SEM1: variants seen among roughly 807,000 people sequenced by gnomAD.
SEM1 encodes SEM1 26S proteasome subunit.
In SEM1, 3 loss-of-function variants were observed where a neutral mutation model predicts 12.7. The observed-to-expected ratio is 0.24, with a 90% CI of 0.11 to 0.61. The LOEUF is 0.61. Ranked by LOEUF, SEM1 falls within the 20% of genes least tolerant of loss-of-function variation. SEM1 has a pLI of 0.88. For missense variants in SEM1, 59 were observed against 81.3 expected (o/e 0.73, Z 1.06); for synonymous variants, 30 against 27.8 (o/e 1.08, Z -0.25).
intron 2 of SEM1, among the ~76,000 whole-genome samples, chr7:96,560,372 T>A (rs993369838): frequency 9.9e-5 from 15 of 152,152 alleles, no homozygotes; most frequent in African/African-American, 3.6e-4. Context: ...TTTTTAAAAA[T>A]AAATATGCCT....
At chr7:96,642,367 T>G (rs567656961) in intron 2 of SEM1, among the ~76,000 whole-genome samples, 1 of 152,220 alleles carries the variant, frequency 6.6e-6, no homozygotes, top group South Asian at 2.1e-4. Flanking sequence ...AATATCAGTC[T>G]GCATATGGGA....
intron 2 of SEM1, among the ~76,000 whole-genome samples, chr7:96,516,267 C>T (rs953464124): frequency 4.6e-5 from 7 of 152,134 alleles, no homozygotes; most frequent in African/African-American, 1.7e-4. Context: ...AATTTCTTCT[C>T]TGCAAGACAG....
rs558225766 is a variant in SEM1, at chr7:96,706,796, G to C, written c.76+2892C>G. 9.2e-5 allele frequency among the ~76,000 whole-genome samples: 14 copies of C among 152,182 alleles called. No homozygotes were observed. The South Asian group carries it at 2.3e-3, about 25-fold the overall frequency. On this transcript the variant is annotated intron_variant, in intron 1 of 2. Transcript: ENST00000248566. ...CTATACTCCAAGTTACCCGAGAGTGGATAAAATCCACTTTCTGGAGCACTG... is the reference window on the plus strand; with the variant it reads ...CTATACTCCAAGTTACCCGAGAGTGCATAAAATCCACTTTCTGGAGCACTG...
At chr7:96,530,748 T>G (rs1001878196) in intron 2 of SEM1, among the ~76,000 whole-genome samples, 1 of 152,062 alleles carries the variant, frequency 6.6e-6, no homozygotes, top group African/African-American at 2.4e-5. Flanking sequence ...TCCATTATAG[T>G]GCCTGTAAGT....
intron 1 of SEM1, among the ~76,000 whole-genome samples, chr7:96,699,719 T>G (rs1296366178): frequency 6.6e-6 from 1 of 152,232 alleles, no homozygotes. Flanking sequence ...CTGTTTCTTT[T>G]GAACTGCTGT....
chr7:96,570,712 T>A (rs1805995529), intron 2 of SEM1, among the ~76,000 whole-genome samples: 1 of 152,210 alleles, frequency 6.6e-6, no homozygotes, highest in South Asian at 2.1e-4. Flanking sequence ...TTTGGGTATA[T>A]ACCCAGTAAT....
intron 2 of SEM1, among the ~76,000 whole-genome samples, chr7:96,540,564 C>A (rs1208206148): frequency 6.6e-6 from 1 of 151,692 alleles, no homozygotes; most frequent in East Asian, 1.9e-4. Context: ...ATAAACTTCA[C>A]CTATAAAGAT....
intron 2 of SEM1, among the ~76,000 whole-genome samples, chr7:96,600,536 T>C (rs994173874): frequency 6.6e-6 from 1 of 152,156 alleles, no homozygotes; most frequent in Non-Finnish European, 1.5e-5. Context: ...CTCAAACAGA[T>C]GAGGAATCTA....
chr7:96,491,336 T>C (rs527416052), intron 1 of SEM1, among the ~76,000 whole-genome samples: 1 of 152,340 alleles, frequency 6.6e-6, no homozygotes, highest in South Asian at 2.1e-4. Context: ...ATTTCCAGTT[T>C]TCTTTCTTAA....
At chr7:96,650,682 G>GCA (rs112166466) in intron 2 of SEM1, among the ~76,000 whole-genome samples, 23,792 of 151,498 alleles carry the variant, frequency 0.16, 3,413 homozygotes, top group African/African-American at 0.39. Context: ...ACACAGATGC[G>GCA]CGCACACACA....
intron 2 of SEM1, chr7:96,647,383 G>A (rs1016731608): frequency 6.6e-6 from 1 of 152,180 alleles, no homozygotes; most frequent in Non-Finnish European, 1.5e-5. Flanking sequence ...ATCATATTAT[G>A]AGACAAGTAC....
intron 2 of SEM1, among the ~76,000 whole-genome samples, chr7:96,663,996 A>G (rs1241872234): frequency 6.6e-6 from 1 of 152,232 alleles, no homozygotes; most frequent in Non-Finnish European, 1.5e-5. Flanking sequence ...TTGTGAAGTT[A>G]TGGAATAAAA....
chr7:96,650,571 G>T, intron 2 of SEM1: 2 of 721,130 alleles, frequency 2.8e-6, no homozygotes, highest in African/African-American at 1.7e-5. Context: ...ACACAGATTT[G>T]TAAATAACAA....
intron 2 of SEM1, among the ~76,000 whole-genome samples, chr7:96,613,787 G>T (rs1807618232): frequency 6.6e-6 from 1 of 152,160 alleles, no homozygotes. Context: ...TATAAGTGAT[G>T]TCATACACTA....
At chr7:96,707,000 C>T (rs764969517) in intron 1 of SEM1, among the ~76,000 whole-genome samples, 3 of 152,214 alleles carry the variant, frequency 2.0e-5, no homozygotes, top group Non-Finnish European at 4.4e-5. Flanking sequence ...GGCATTAATA[C>T]TTGAAGTGAA....
chr7:96,528,804 A>G (rs2115698432), intron 2 of SEM1, among the ~76,000 whole-genome samples: 1 of 152,250 alleles, frequency 6.6e-6, no homozygotes, highest in African/African-American at 2.4e-5. Context: ...AAAGTGCTAG[A>G]GTATGGAAGA....
upstream of SEM1, among the ~76,000 whole-genome samples, chr7:96,497,644 A>G (rs931343458): frequency 6.6e-6 from 1 of 152,156 alleles, no homozygotes; most frequent in African/African-American, 2.4e-5. Flanking sequence ...AGTAACGTGG[A>G]CTGGATTTAT....
chr7:96,662,373 C>A (rs1038595794), intron 2 of SEM1, among the ~76,000 whole-genome samples: 1 of 152,104 alleles, frequency 6.6e-6, no homozygotes, highest in Non-Finnish European at 1.5e-5. Context: ...TTTGTAGGGA[C>A]ATGGATGAAG....
rs1209264910 is a variant in SEM1 at position 96,588,389 on chromosome 7, C to CG, written c.171-81692_171-81691insC. 9.5e-3 allele frequency among the ~76,000 whole-genome samples: 529 copies of CG among 55,616 alleles called. 2 individuals are homozygous for CG. The highest frequency in any genetic ancestry group is 0.023 in the African/African-American group (495 of 21,186). 36.5% of individuals were successfully genotyped at this position (55,616 alleles called of 152,430 possible). A position where few individuals can be genotyped will look rare whatever the true frequency, so the allele number is the denominator to read the frequency against. ...ACACACACACACACACACACACACA[C>CG]ACACACACGAGAGAGAGAGAGAGAG... On this transcript the variant is annotated intron_variant and NMD_transcript_variant, in intron 2 of 3. Coordinates refer to the SEM1 transcript ENST00000466986.
Sources: allele counts gnomAD v4.1 joint callset (sites outside exome capture counted in the v4.1 genomes callset), GRCh38; gene constraint gnomAD v4.1.1; transcripts MANE v1.5; gene names NCBI Gene and HGNC (gene_info 2026-07-23, HGNC 2026-07-21).